CNBD1: variants seen among roughly 807,000 people sequenced by gnomAD.
CNBD1 encodes the protein cyclic nucleotide-binding domain-containing protein 1.
A neutral mutation model predicts 54.4 loss-of-function variants in CNBD1; 71 were observed. The ratio of observed to expected loss-of-function variants is 1.30; its 90% CI spans 1.08 to 1.59. CNBD1 has a LOEUF of 1.59. Among genes scored for constraint, CNBD1 ranks in the 40% most tolerant of loss-of-function variants. The pLI is 0.00. For missense variants in CNBD1, 659 were observed against 518.0 expected, an observed-to-expected ratio of 1.27 and a Z score of -2.64; for synonymous variants, 182 against 170.7, an observed-to-expected ratio of 1.07 and a Z score of -0.51.
intron 8 of CNBD1, among the ~76,000 whole-genome samples, chr8:87,337,083 C>T (rs370303204): frequency 1.6e-4 from 25 of 152,250 alleles, no homozygotes; most frequent in African/African-American, 2.6e-4. Flanking sequence ...CCTTCCTCTG[C>T]GATCTCTGAC....
chr8:87,382,567 C>CA, intron 10 of CNBD1, 53 bp from the exon 11 acceptor site: 7 of 1,460,628 alleles, frequency 4.8e-6, no homozygotes, highest in Non-Finnish European at 6.6e-6. Flanking sequence ...AAATAATTAC[C>CA]AAAAATGAGT....
chr8:86,915,261 G>A (rs1420601688), intron 3 of CNBD1, among the ~76,000 whole-genome samples: 42 of 151,814 alleles, frequency 2.8e-4, no homozygotes, highest in Admixed American at 2.8e-3. Flanking sequence ...TAGGTCACTG[G>A]ACATGCAAAA....
intron 2 of CNBD1, among the ~76,000 whole-genome samples, chr8:87,413,166 G>A (rs532257732): frequency 6.6e-6 from 1 of 152,036 alleles, no homozygotes; most frequent in African/African-American, 2.4e-5. Context: ...AACGTGGCTT[G>A]TGGATGAGGC....
chr8:87,394,868 G>A (rs914502730), intron 2 of CNBD1, among the ~76,000 whole-genome samples: 3 of 151,386 alleles, frequency 2.0e-5, no homozygotes, highest in Admixed American at 1.3e-4. Flanking sequence ...TTTTTACTCT[G>A]GACAAAGAAA....
At chr8:87,122,363 T>G (rs972774089) in intron 4 of CNBD1, among the ~76,000 whole-genome samples, 1 of 151,862 alleles carries the variant, frequency 6.6e-6, no homozygotes, top group African/African-American at 2.4e-5. Context: ...TTTGAGAAAT[T>G]TCTGCTCAGG....
At chr8:87,410,270 A>AT (rs1346418980) in intron 2 of CNBD1, among the ~76,000 whole-genome samples, 8 of 152,094 alleles carry the variant, frequency 5.3e-5, no homozygotes, top group Non-Finnish European at 1.0e-4. Flanking sequence ...AGTAATTTCG[A>AT]TTTTCAAGTC....
chr8:87,118,501 T>C (rs1811823876), intron 4 of CNBD1, among the ~76,000 whole-genome samples: 1 of 152,118 alleles, frequency 6.6e-6, no homozygotes, highest in Admixed American at 6.6e-5. Context: ...TTAATCCACC[T>C]GGCAGAAGGC....
chr8:86,998,208 T>A (rs76461662), intron 4 of CNBD1, among the ~76,000 whole-genome samples: 1 of 149,552 alleles, frequency 6.7e-6, no homozygotes, highest in African/African-American at 2.5e-5. Context: ...TGTGTGTTTC[T>A]GTTTTTTTTT....
chr8:87,195,809 G>C (rs1429690280), intron 4 of CNBD1, among the ~76,000 whole-genome samples: 2 of 151,902 alleles, frequency 1.3e-5, no homozygotes, highest in Non-Finnish European at 2.9e-5. Context: ...CTGACCTCAA[G>C]TGATCTGCCT....
chr8:86,887,733 T>C, intron 2 of CNBD1, 122 bp downstream of exon 2: 1 of 633,014 alleles, frequency 1.6e-6, no homozygotes, highest in Non-Finnish European at 2.7e-6. Flanking sequence ...ATCACACAGA[T>C]AAAAACAGTT....
At chr8:87,411,986 A>C (rs1484462072) in intron 2 of CNBD1, among the ~76,000 whole-genome samples, 1 of 151,986 alleles carries the variant, frequency 6.6e-6, no homozygotes, top group Non-Finnish European at 1.5e-5. Flanking sequence ...ACTACAACTG[A>C]ATGAAATTTT....
At chr8:86,919,494 T>G (rs1809238559) in intron 3 of CNBD1, among the ~76,000 whole-genome samples, 1 of 152,192 alleles carries the variant, frequency 6.6e-6, no homozygotes. Flanking sequence ...TATAGCACGA[T>G]TCAATCAGTT....
chr8:87,354,119 C>A (rs1283379323), intron 10 of CNBD1, among the ~76,000 whole-genome samples: 5 of 152,118 alleles, frequency 3.3e-5, no homozygotes, highest in Non-Finnish European at 5.9e-5. Flanking sequence ...GAACCCAGGG[C>A]AACCAGCCCT....
At chr8:87,033,462 C>A (rs774300695) in intron 4 of CNBD1, among the ~76,000 whole-genome samples, 1 of 152,150 alleles carries the variant, frequency 6.6e-6, no homozygotes, top group Non-Finnish European at 1.5e-5. Flanking sequence ...AAAAAGTGTT[C>A]TTGTTGTCCA....
chr8:87,421,141 G>A (rs1005413363), intron 2 of CNBD1, among the ~76,000 whole-genome samples: 1 of 151,890 alleles, frequency 6.6e-6, no homozygotes, highest in Non-Finnish European at 1.5e-5. Context: ...ACAGTGTACT[G>A]GGAGCTGAGA....
chr8:87,068,601 C>G (rs1194966180), intron 4 of CNBD1, among the ~76,000 whole-genome samples: 1 of 151,904 alleles, frequency 6.6e-6, no homozygotes, highest in Non-Finnish European at 1.5e-5. Context: ...TAAGTATTTT[C>G]TAAAAGCAAG....
chr8:86,932,994 CG>C (rs1563827079), intron 3 of CNBD1, among the ~76,000 whole-genome samples: 1 of 152,058 alleles, frequency 6.6e-6, no homozygotes, highest in East Asian at 1.9e-4. Context: ...GACACATTCT[CG>C]AAAACCTGCA....
intron 2 of CNBD1, among the ~76,000 whole-genome samples, chr8:87,402,066 C>A (rs555072323): frequency 6.6e-6 from 1 of 151,906 alleles, no homozygotes; most frequent in Non-Finnish European, 1.5e-5. Flanking sequence ...CCAGGGAGAC[C>A]TCACAATCAT....
downstream of CNBD1, among the ~76,000 whole-genome samples, chr8:87,385,305 C>G (rs1423807505): frequency 6.6e-6 from 1 of 152,076 alleles, no homozygotes; most frequent in Non-Finnish European, 1.5e-5. Flanking sequence ...CGAGTGTGAG[C>G]CAAAACAGGG....
Sources: gnomAD v4.1 joint callset for allele counts (sites outside exome capture counted in the v4.1 genomes callset) on GRCh38, gnomAD v4.1.1 for gene constraint, MANE v1.5 for transcripts, NCBI Gene and HGNC (gene_info 2026-07-23, HGNC 2026-07-21) for gene names.